ZNF506: variants seen among roughly 807,000 people sequenced by gnomAD.
ZNF506 encodes zinc finger protein 506.
ZNF506 carries 10 observed loss-of-function variants against 11.6 expected under a neutral mutation model. The ratio of observed to expected loss-of-function variants is 0.86; its 90% CI spans 0.53 to 1.46. ZNF506 has a LOEUF of 1.46. Among genes scored for constraint, ZNF506 ranks in the 40% most tolerant of loss-of-function variants. The pLI, the probability that ZNF506 is intolerant of heterozygous loss-of-function variation, is 0.00. For missense variants in ZNF506, 425 were observed against 521.2 expected, an observed-to-expected ratio of 0.82 and a Z score of 1.80; for synonymous variants, 156 against 173.3, an observed-to-expected ratio of 0.90 and a Z score of 0.78.
intron 1 of ZNF506, among the ~76,000 whole-genome samples, chr19:19,816,959 G>A (rs1053827292): frequency 2.6e-5 from 4 of 151,446 alleles, no homozygotes; most frequent in Non-Finnish European, 4.4e-5. Flanking sequence ...CACCACGCCT[G>A]CCTAATTTTT....
chr19:19,820,057 A>G (rs1223094378), intron 1 of ZNF506, among the ~76,000 whole-genome samples: 1 of 151,518 alleles, frequency 6.6e-6, no homozygotes, highest in Non-Finnish European at 1.5e-5. Flanking sequence ...AGATCGCCCC[A>G]CTGCACTCCA....
chr19:19,804,495 C>T (rs2062819503), intron 3 of ZNF506, among the ~76,000 whole-genome samples: 2 of 152,182 alleles, frequency 1.3e-5, no homozygotes, highest in Non-Finnish European at 2.9e-5. Context: ...GGAGTGTAAA[C>T]TAGTTCAACC....
chr19:19,813,073 G>C (rs2062895423), intron 1 of ZNF506, among the ~76,000 whole-genome samples: 1 of 152,162 alleles, frequency 6.6e-6, no homozygotes, highest in Non-Finnish European at 1.5e-5. Flanking sequence ...ATACATTAGA[G>C]CTTGCAATAT....
In ZNF506 at chr19:19,808,108, C is replaced by CTTTTTTTTTTTTTTTTTTTTTTTTT. The variant is rs757160026; in HGVS notation, c.4-1065_4-1041dup. On this transcript the variant is annotated intron_variant, in intron 1 of 3. Coordinates refer to ENST00000540806, the MANE Select transcript of ZNF506 (RefSeq NM_001099269.3). ...ACTTAACCAAGTGAATCATTAACCA[C>CTTTTTTTTTTTTTTTTTTTTTTTTT]TTTTTTTTTTTTTTTTTTTTTTTTT... Among the ~76,000 whole-genome samples the CTTTTTTTTTTTTTTTTTTTTTTTTT allele has an allele frequency of 8.8e-5, 5 of 56,772 alleles. 2 individuals are homozygous for CTTTTTTTTTTTTTTTTTTTTTTTTT. Among genetic ancestry groups the CTTTTTTTTTTTTTTTTTTTTTTTTT allele is most frequent in the African/African-American group, 2.3e-4 (3 of 12,970 alleles). The allele number at this position is 56,772 out of a possible 152,430, so 37.2% of individuals were successfully genotyped here.
At chr19:19,801,596 G>A (rs375459888) in intron 3 of ZNF506, among the ~76,000 whole-genome samples, 1 of 151,752 alleles carries the variant, frequency 6.6e-6, no homozygotes, top group Non-Finnish European at 1.5e-5. Context: ...TTTGAGATCA[G>A]CATGGCCAAC....
intron 1 of ZNF506, 81 bp downstream of exon 1, chr19:19,821,514 TCTGCCA>T: frequency 6.3e-7 from 1 of 1,577,736 alleles, no homozygotes; most frequent in South Asian, 1.1e-5. Flanking sequence ...AGGCCTGAGT[TCTGCCA>T]CTGCCACAGC....
At position 19,821,678 on chromosome 19, in the gene ZNF506, C is replaced by T. The variant is rs1027782625; in HGVS notation, c.-75G>A. The stretch of plus-strand genomic sequence containing the variant: ...CCTGCAGGTCACAGGGCCACAGAGG[C>T]TGGGCCTCTAGGAGCTGACGGCACA... On this transcript the variant is annotated 5_prime_UTR_variant, in exon 1 of 4. Coordinates refer to ENST00000540806, the MANE Select transcript of ZNF506 (RefSeq NM_001099269.3). The T allele has an allele frequency of 5.7e-6, 9 of 1,586,446 alleles. No individual in the cohort carries two copies. Among genetic ancestry groups the T allele is most frequent in the East Asian group, 2.2e-5 (1 of 44,638 alleles).
At chr19:19,807,744 G>A (rs1276393267) in intron 1 of ZNF506, among the ~76,000 whole-genome samples, 1 of 152,120 alleles carries the variant, frequency 6.6e-6, no homozygotes, top group Non-Finnish European at 1.5e-5. Context: ...CCCAACCTCA[G>A]GTGATCCGCT....
At chr19:19,801,697 A>C (rs573034845) in intron 3 of ZNF506, among the ~76,000 whole-genome samples, 175 of 152,046 alleles carry the variant, frequency 1.2e-3, no homozygotes, top group Middle Eastern at 0.01. Flanking sequence ...AGGCTGTGGC[A>C]GAAGAATCTC....
intron 1 of ZNF506, among the ~76,000 whole-genome samples, chr19:19,815,716 A>G (rs1280206259): frequency 6.6e-6 from 1 of 152,172 alleles, no homozygotes; most frequent in African/African-American, 2.4e-5. Context: ...GTCCCGCAAC[A>G]TTGTCCTCAT....
chr19:19,819,102 CCTCCCAG>C (rs2145210627), intron 1 of ZNF506, among the ~76,000 whole-genome samples: 1 of 152,250 alleles, frequency 6.6e-6, no homozygotes, highest in South Asian at 2.1e-4. Flanking sequence ...CAATAACTAC[CCTCCCAG>C]GAGACACCGC....
Position 19,794,370 on chromosome 19 carries a change from G to A in ZNF506, c.*182C>T. ...TTTGCCATATTCTTCACACTTGTAG[G>A]GTTTCTGTCCAGTATAAATTATGTG... On this transcript the variant is annotated 3_prime_UTR_variant, in exon 4 of 4. Coordinates refer to ENST00000540806, the MANE Select transcript of ZNF506 (RefSeq NM_001099269.3). The A allele has an allele frequency of 1.7e-6, 1 of 603,058 alleles. No individual in the cohort carries two copies. 37.4% of individuals were successfully genotyped at this position (603,058 alleles called of 1,614,324 possible). A position where few individuals can be genotyped will look rare whatever the true frequency, so the allele number is the denominator to read the frequency against.
At position 19,821,684 on chromosome 19, in the gene ZNF506, C is replaced by G; in HGVS notation, c.-81G>C. On this transcript the variant is annotated 5_prime_UTR_variant, in exon 1 of 4. Coordinates refer to ENST00000540806, the MANE Select transcript of ZNF506 (RefSeq NM_001099269.3). Reference sequence around the variant, plus strand: ...GGTCACAGGGCCACAGAGGCTGGGCCTCTAGGAGCTGACGGCACAGAGCAG... The same window carrying G: ...GGTCACAGGGCCACAGAGGCTGGGCGTCTAGGAGCTGACGGCACAGAGCAG... The G allele has an allele frequency of 6.4e-7, 1 of 1,565,126 alleles. No homozygotes were observed. Among genetic ancestry groups the G allele is most frequent in the Non-Finnish European group, 8.8e-7 (1 of 1,136,116 alleles).
At chr19:19,800,391 A>AATATATATATATTTATTTATATATAT (rs2062780179) in intron 3 of ZNF506, among the ~76,000 whole-genome samples, 1 of 139,244 alleles carries the variant, frequency 7.2e-6, no homozygotes, top group East Asian at 2.3e-4. Context: ...AACTAAACAG[A>AATATATATATATTTATTTATATATAT]ATATATATAT....
chr19:19,800,391 A>AATATAAAAATAT (rs2062780154), intron 3 of ZNF506, among the ~76,000 whole-genome samples: 1 of 139,244 alleles, frequency 7.2e-6, no homozygotes, highest in South Asian at 2.2e-4. Context: ...AACTAAACAG[A>AATATAAAAATAT]ATATATATAT....
rs1415103748 is a variant in ZNF506, at chr19:19,794,619, TTCTG to T, written c.1264_1267del (p.Gln422AsnfsTer4). On this transcript the variant is annotated frameshift_variant, in exon 4 of 4. Transcript: ENST00000540806. LOFTEE classifies it low-confidence loss of function (END_TRUNC). The stretch of plus-strand genomic sequence containing the variant: ...TTCCACATTCTTCACTATGCAGGGT[TTCTG>T]TCTAATATGAATTTTCTTATGTTTA... The T allele has an allele frequency of 1.9e-6, 3 of 1,612,328 alleles. No homozygotes were observed. The highest frequency in any genetic ancestry group is 4.5e-5 in the East Asian group (2 of 44,854).
intron 3 of ZNF506, chr19:19,798,668 A>AAG (rs1237403090): frequency 6.7e-6 from 1 of 150,100 alleles, no homozygotes; most frequent in East Asian, 1.9e-4. Flanking sequence ...AAAAAAAAAA[A>AAG]AAAAAAAAGA....
At chr19:19,819,965 C>G (rs1415171133) in intron 1 of ZNF506, among the ~76,000 whole-genome samples, 6 of 152,190 alleles carry the variant, frequency 3.9e-5, no homozygotes, top group African/African-American at 1.4e-4. Context: ...GGCGTGGTGG[C>G]ACGCGCCTGT....
At position 19,806,033 on chromosome 19, in the gene ZNF506, G is replaced by A. The variant is rs1265692572; in HGVS notation, c.224C>T (p.Pro75Leu). Residue 75 changes from proline (P) to leucine (L), a missense_variant and splice_region_variant, in exon 3 of 4, where the codon CCA becomes CTA. Physicochemically the swap from Pro to Leu is moderately conservative, Grantham distance 98. Coordinates refer to ENST00000540806, the MANE Select transcript of ZNF506 (RefSeq NM_001099269.3). ...MKRHEMIAKP[P>L]VMYSHFAQDL... is the part of the protein sequence containing the mutation. The stretch of plus-strand genomic sequence containing the variant: ...TATTCATTTTCACTCGCACCTACCT[G>A]GGGGTTTGGCAATCATCTCATGCCT... 3.1e-6 allele frequency: 5 copies of A among 1,604,836 alleles called. No individual in the cohort carries two copies. In the East Asian group the frequency reaches 1.1e-4, roughly 36 times the overall value.
Sources: gnomAD v4.1 joint callset for allele counts (sites outside exome capture counted in the v4.1 genomes callset) on GRCh38, gnomAD v4.1.1 for gene constraint, MANE v1.5 for transcripts, NCBI Gene and HGNC (gene_info 2026-07-23, HGNC 2026-07-21) for gene names.